Variants in TMEM233 observed in about 807,000 individuals in gnomAD.
TMEM233 encodes the protein transmembrane protein 233.
A neutral mutation model predicts 11.2 loss-of-function variants in TMEM233; 6 were observed. That is an observed-to-expected ratio of 0.54 (90% confidence interval 0.29 to 1.06). TMEM233 has a LOEUF of 1.06. TMEM233 is among the 50% of genes least tolerant of loss of function. The probability of loss-of-function intolerance (pLI) is 0.08; values close to 1 mark genes in which losing one functional copy is unlikely to be tolerated. For synonymous variants in TMEM233, 59 were observed against 55.8 expected (o/e 1.06, Z -0.26); for missense variants, 127 against 144.7 (o/e 0.88, Z 0.63).
At chr12:119,633,753 C>A (rs1415352736) in intron 2 of TMEM233, among the ~76,000 whole-genome samples, 1 of 152,192 alleles carries the variant, frequency 6.6e-6, no homozygotes, top group Non-Finnish European at 1.5e-5. Flanking sequence ...TGGCCAATTT[C>A]TCAGTAATCC....
At chr12:119,629,019 G>A (rs936782782) in intron 1 of TMEM233, among the ~76,000 whole-genome samples, 5 of 152,230 alleles carry the variant, frequency 3.3e-5, no homozygotes, top group Non-Finnish European at 5.9e-5. Context: ...TCCCATTCTA[G>A]TGAACAAGAC....
At chr12:119,604,574 C>CTTTCTTGCATTGTAG (rs765232655) in intron 1 of TMEM233, among the ~76,000 whole-genome samples, 9 of 152,170 alleles carry the variant, frequency 5.9e-5, no homozygotes, top group Non-Finnish European at 1.2e-4. Context: ...ATTGTAGACC[C>CTTTCTTGCATTGTAG]ACCTCTCCCC....
intron 1 of TMEM233, among the ~76,000 whole-genome samples, chr12:119,597,186 A>G (rs1364377460): frequency 6.6e-6 from 1 of 152,180 alleles, no homozygotes; most frequent in Non-Finnish European, 1.5e-5. Flanking sequence ...TGCTTCCCCT[A>G]GGGTCTCTTG....
At chr12:119,619,643 GAA>G (rs200868440) in intron 1 of TMEM233, among the ~76,000 whole-genome samples, 2 of 127,250 alleles carry the variant, frequency 1.6e-5, no homozygotes, top group African/African-American at 5.8e-5. Context: ...CCTGTCTCAA[GAA>G]AAAAAAAAAA....
intron 1 of TMEM233, among the ~76,000 whole-genome samples, chr12:119,628,887 C>T (rs1464676977): frequency 6.6e-6 from 1 of 152,186 alleles, no homozygotes; most frequent in African/African-American, 2.4e-5. Context: ...TGCCCTACAA[C>T]AAAACTATAT....
chr12:119,612,963 G>A (rs112979102), intron 1 of TMEM233, among the ~76,000 whole-genome samples: 2,091 of 151,698 alleles, frequency 0.014, 44 homozygotes, highest in African/African-American at 0.047. Flanking sequence ...TTTTGTTTTT[G>A]TTTTTTTATT....
At chr12:119,614,022 G>A (rs999319911) in intron 1 of TMEM233, among the ~76,000 whole-genome samples, 12 of 152,016 alleles carry the variant, frequency 7.9e-5, no homozygotes, top group Non-Finnish European at 1.6e-4. Flanking sequence ...GCCTGCAGGG[G>A]CCACTCCTGC....
intron 2 of TMEM233, among the ~76,000 whole-genome samples, chr12:119,632,860 C>CT (rs2136784042): frequency 6.6e-6 from 1 of 152,292 alleles, no homozygotes; most frequent in Non-Finnish European, 1.5e-5. Context: ...ACACTATCTA[C>CT]TTTGCAGTCT....
intron 1 of TMEM233, among the ~76,000 whole-genome samples, chr12:119,624,220 T>C (rs1040562321): frequency 1.3e-4 from 19 of 151,326 alleles, no homozygotes; most frequent in African/African-American, 3.9e-4. Context: ...ATTAGCTGGG[T>C]GTGGTGGTAT....
intron 1 of TMEM233, among the ~76,000 whole-genome samples, chr12:119,598,165 TTATCTC>T (rs1171380005): frequency 6.6e-6 from 1 of 152,210 alleles, no homozygotes; most frequent in Non-Finnish European, 1.5e-5. Context: ...AGCTATTCCT[TTATCTC>T]TATCAAGTGG....
At chr12:119,638,374 G>A (rs1032955927) in intron 2 of TMEM233, among the ~76,000 whole-genome samples, 6 of 152,158 alleles carry the variant, frequency 3.9e-5, no homozygotes, top group African/African-American at 1.4e-4. Flanking sequence ...CAGGTGTGAG[G>A]CCAGCTTGAG....
chr12:119,653,290 G>A, the TMEM233 span, among the ~76,000 whole-genome samples: 21 of 150,854 alleles, frequency 1.4e-4, 1 homozygote, highest in East Asian at 2.4e-3. Flanking sequence ...TGCTTGGGAG[G>A]CTGAGGCAGG....
chr12:119,601,167 C>T lies in TMEM233; in HGVS notation c.186+7133C>T, dbSNP rs1030184008. 7.2e-5 allele frequency among the ~76,000 whole-genome samples: 11 copies of T among 152,126 alleles called. 1 individual carries two copies. The highest frequency in any genetic ancestry group is 3.9e-4 in the Admixed American group (6 of 15,278). ...TTCCCAGAACTGAACGCATGAATTT[C>T]CAGATTAAAAGAATCCCCCAGTACT... On this transcript the variant is annotated intron_variant, in intron 1 of 2. Transcript: ENST00000426426.
chr12:119,595,164 C>T lies in TMEM233; in HGVS notation c.186+1130C>T, dbSNP rs1485684441. 6.6e-6 allele frequency among the ~76,000 whole-genome samples: 1 copy of T among 152,214 alleles called. No individual in the cohort carries two copies. The highest frequency in any genetic ancestry group is 1.5e-5 in the Non-Finnish European group (1 of 68,034). On this transcript the variant is annotated intron_variant, in intron 1 of 2. Transcript: ENST00000426426. This position sits in a 1 kb window ranked among gnomAD's most constrained non-coding sequence, Gnocchi z 4.3. Reference sequence around the variant, plus strand: ...CGACGAGCGCCTGCTAGGCCCTCGCCTTATTGACTGCAGCAGCTGGCCCGG... The same window carrying T: ...CGACGAGCGCCTGCTAGGCCCTCGCTTTATTGACTGCAGCAGCTGGCCCGG...
chr12:119,649,220 C>T, the TMEM233 span, among the ~76,000 whole-genome samples: 1 of 152,194 alleles, frequency 6.6e-6, no homozygotes, highest in South Asian at 2.1e-4. Flanking sequence ...ATCTCCTGAA[C>T]CCAGGTGGCG....
At position 119,624,797 on chromosome 12, in the gene TMEM233, C is replaced by T. The variant is rs1027267395; in HGVS notation, c.187-4939C>T. 2.6e-5 allele frequency among the ~76,000 whole-genome samples: 4 copies of T among 152,072 alleles called. No homozygotes were observed. The South Asian group carries it at 8.3e-4, about 31-fold the overall frequency. Reference sequence around the variant, plus strand: ...ACAGCAATGCGAATGTACATAATGCCACTAAACAGTATACTTAAAAATGAT... The same window carrying T: ...ACAGCAATGCGAATGTACATAATGCTACTAAACAGTATACTTAAAAATGAT... On this transcript the variant is annotated intron_variant, in intron 1 of 2. Coordinates refer to ENST00000426426, the MANE Select transcript of TMEM233 (RefSeq NM_001136534.3).
At chr12:119,647,320 G>A (rs1395280682), downstream of TMEM233, among the ~76,000 whole-genome samples, 2 of 152,244 alleles carry the variant, frequency 1.3e-5, no homozygotes, top group Non-Finnish European at 2.9e-5. Context: ...TTTTAGTTGA[G>A]TTGGTGTCTC....
At chr12:119,652,334 A>G in the TMEM233 span, among the ~76,000 whole-genome samples, 6 of 152,226 alleles carry the variant, frequency 3.9e-5, no homozygotes, top group Non-Finnish European at 8.8e-5. Flanking sequence ...AGATTTCTGG[A>G]TTTTAGTAGT....
At chr12:119,629,106 T>C (rs956196215) in intron 1 of TMEM233, among the ~76,000 whole-genome samples, 3 of 152,184 alleles carry the variant, frequency 2.0e-5, no homozygotes, top group African/African-American at 4.8e-5. Flanking sequence ...CACTGGACAC[T>C]GGTATGCCGA....
Sources: allele counts gnomAD v4.1 joint callset (sites outside exome capture counted in the v4.1 genomes callset), GRCh38; gene constraint gnomAD v4.1.1; non-coding constraint Gnocchi (gnomAD v3.1); transcripts MANE v1.5; gene names NCBI Gene and HGNC (gene_info 2026-07-23, HGNC 2026-07-21).